ST6GALNAC3: variants seen among roughly 807,000 people sequenced by gnomAD.
The protein encoded by ST6GALNAC3 is alpha-N-acetylgalactosaminide alpha-2,6-sialyltransferase 3.
In ST6GALNAC3, 25 loss-of-function variants were observed where a neutral mutation model predicts 32.7. The observed-to-expected ratio is 0.76, with a 90% CI of 0.56 to 1.07. ST6GALNAC3 has a LOEUF of 1.07. Ranked by LOEUF, ST6GALNAC3 falls within the 50% of genes least tolerant of loss-of-function variation. ST6GALNAC3 has a pLI of 0.00. For missense variants in ST6GALNAC3, 355 were observed against 382.4 expected (o/e 0.93, Z 0.60); for synonymous variants, 129 against 133.1 (o/e 0.97, Z 0.21).
intron 1 of ST6GALNAC3, among the ~76,000 whole-genome samples, chr1:76,087,715 G>T (rs1465322100): frequency 2.1e-4 from 32 of 152,156 alleles, no homozygotes. Context: ...TAGAAGAGGG[G>T]TTATACTTTG....
intron 2 of ST6GALNAC3, among the ~76,000 whole-genome samples, chr1:76,330,914 C>T (rs1647176517): frequency 6.6e-6 from 1 of 152,174 alleles, no homozygotes; most frequent in Admixed American, 6.5e-5. Flanking sequence ...TATTTCAAAT[C>T]TTCAGAGTGC....
chr1:76,403,707 A>G (rs1158962348), intron 2 of ST6GALNAC3, among the ~76,000 whole-genome samples: 2 of 152,128 alleles, frequency 1.3e-5, no homozygotes, highest in Non-Finnish European at 2.9e-5. Context: ...AATACCATAT[A>G]GCAAGAATCA....
chr1:76,253,425 C>T (rs958462807), intron 1 of ST6GALNAC3, among the ~76,000 whole-genome samples: 3 of 152,020 alleles, frequency 2.0e-5, no homozygotes, highest in Admixed American at 1.3e-4. Flanking sequence ...AGCCTTTCAC[C>T]GTTAAAGCTT....
chr1:76,407,857 A>G (rs1462820916), intron 2 of ST6GALNAC3, among the ~76,000 whole-genome samples: 1 of 152,078 alleles, frequency 6.6e-6, no homozygotes, highest in African/African-American at 2.4e-5. Context: ...GTGAGTGAAG[A>G]CATATGGAAT....
chr1:76,260,660 T>C (rs1282326327), intron 1 of ST6GALNAC3, among the ~76,000 whole-genome samples: 6 of 152,190 alleles, frequency 3.9e-5, no homozygotes, highest in Admixed American at 3.3e-4. Flanking sequence ...CACTTTGCTA[T>C]ACTTCCTCAT....
intron 1 of ST6GALNAC3, among the ~76,000 whole-genome samples, chr1:76,158,623 T>TCC (rs1651620730): frequency 6.6e-6 from 1 of 152,238 alleles, no homozygotes; most frequent in African/African-American, 2.4e-5. Flanking sequence ...AATCAGCCCC[T>TCC]CTTGGCTACA....
intron 2 of ST6GALNAC3, among the ~76,000 whole-genome samples, chr1:76,372,125 G>A (rs138133322): frequency 9.5e-4 from 145 of 152,190 alleles, no homozygotes; most frequent in Non-Finnish European, 1.2e-3. Context: ...TGAGACTATC[G>A]AGTGTGTCCT....
chr1:76,215,968 G>A (rs1655436211), intron 1 of ST6GALNAC3, among the ~76,000 whole-genome samples: 1 of 152,080 alleles, frequency 6.6e-6, no homozygotes, highest in African/African-American at 2.4e-5. Flanking sequence ...GAATTTAAAG[G>A]GACTTAAATG....
At chr1:76,421,350 G>T (rs1164319749) in intron 3 of ST6GALNAC3, among the ~76,000 whole-genome samples, 3 of 151,954 alleles carry the variant, frequency 2.0e-5, no homozygotes, top group Non-Finnish European at 2.9e-5. Context: ...TTGTGATTGG[G>T]CACTGGGTTT....
At chr1:76,490,304 G>C (rs1266032924) in intron 3 of ST6GALNAC3, among the ~76,000 whole-genome samples, 2 of 151,974 alleles carry the variant, frequency 1.3e-5, no homozygotes, top group Non-Finnish European at 2.9e-5. Flanking sequence ...TCTCAAAGCA[G>C]ATAGTAAGTT....
intron 1 of ST6GALNAC3, among the ~76,000 whole-genome samples, chr1:76,093,384 A>G (rs1356018635): frequency 1.3e-5 from 2 of 152,214 alleles, no homozygotes; most frequent in Non-Finnish European, 2.9e-5. Context: ...AAATATAGAA[A>G]GATAGAAGAG....
intron 1 of ST6GALNAC3, among the ~76,000 whole-genome samples, chr1:76,112,889 G>C (rs148249395): frequency 0.24 from 35,592 of 151,082 alleles, 4,896 homozygotes; most frequent in Admixed American, 0.32. Flanking sequence ...TCACATCCCA[G>C]ACGATGGGCG....
chr1:76,188,620 C>T (rs1482352746), intron 1 of ST6GALNAC3, among the ~76,000 whole-genome samples: 1 of 152,134 alleles, frequency 6.6e-6, no homozygotes, highest in African/African-American at 2.4e-5. Context: ...TTGTGTTTAA[C>T]TTTTGACTCT....
At chr1:76,552,819 C>T (rs10873892) in intron 3 of ST6GALNAC3, among the ~76,000 whole-genome samples, 46,114 of 151,922 alleles carry the variant, frequency 0.3, 7,371 homozygotes, top group African/African-American at 0.4. Context: ...TTATTCTAAC[C>T]CTAATGGTAA....
intron 3 of ST6GALNAC3, among the ~76,000 whole-genome samples, chr1:76,533,241 A>G (rs1480071457): frequency 2.0e-5 from 3 of 152,192 alleles, no homozygotes; most frequent in African/African-American, 7.2e-5. Flanking sequence ...AACTTTTGAA[A>G]AAGTCCTGTA....
At chr1:76,565,309 G>A (rs1173218398) in intron 3 of ST6GALNAC3, among the ~76,000 whole-genome samples, 1 of 152,138 alleles carries the variant, frequency 6.6e-6, no homozygotes, top group African/African-American at 2.4e-5. Context: ...AGATTTTGGA[G>A]AGCTAACCTC....
intron 2 of ST6GALNAC3, among the ~76,000 whole-genome samples, chr1:76,405,447 A>G (rs79954289): frequency 5.9e-5 from 9 of 152,196 alleles, no homozygotes; most frequent in Non-Finnish European, 1.0e-4. Context: ...ACTTGTCCCA[A>G]TATATCACTC....
intron 1 of ST6GALNAC3, among the ~76,000 whole-genome samples, chr1:76,088,711 A>G (rs1646998061): frequency 6.6e-6 from 1 of 152,240 alleles, no homozygotes; most frequent in African/African-American, 2.4e-5. Context: ...TCTGTCAGTC[A>G]AAAAACTAAA....
chr1:76,139,369 T>C (rs1051509516), intron 1 of ST6GALNAC3, among the ~76,000 whole-genome samples: 12 of 151,978 alleles, frequency 7.9e-5, no homozygotes, highest in African/African-American at 1.5e-4. Flanking sequence ...TATAAACATA[T>C]ACACATATAA....
Sources: gnomAD v4.1 joint callset for allele counts (sites outside exome capture counted in the v4.1 genomes callset) on GRCh38, gnomAD v4.1.1 for gene constraint, MANE v1.5 for transcripts, NCBI Gene and HGNC (gene_info 2026-07-23, HGNC 2026-07-21) for gene names.